ABCC11: variants seen among roughly 807,000 people sequenced by gnomAD.
ABCC11 encodes ATP binding cassette subfamily C member 11.
In ABCC11, 135 loss-of-function variants were observed where a neutral mutation model predicts 149.3. The observed-to-expected ratio is 0.90, with a 90% confidence interval of 0.79 to 1.04. ABCC11 has a LOEUF of 1.04. ABCC11 is among the 50% of genes least tolerant of loss of function. The probability of loss-of-function intolerance (pLI) is 0.00; values close to 1 mark genes in which losing one functional copy is unlikely to be tolerated. For missense variants in ABCC11, 1,680 were observed against 1,722.1 expected (o/e 0.98, Z 0.43); for synonymous variants, 665 against 671.4 (o/e 0.99, Z 0.15).
chr16:48,202,950 T>A lies in ABCC11; in HGVS notation c.1878+278A>T, dbSNP rs559802317. On this transcript the variant is annotated intron_variant, in intron 14 of 29. Coordinates refer to ENST00000356608, the MANE Select transcript of ABCC11 (RefSeq NM_001370497.1). ...CAAGGGCGATGCAGCGTTTCTCATCTTGACAGGGTCTCCGCTCTTGCTTCA... is the reference window on the plus strand; with the variant it reads ...CAAGGGCGATGCAGCGTTTCTCATCATGACAGGGTCTCCGCTCTTGCTTCA... 7.2e-5 allele frequency among the ~76,000 whole-genome samples: 11 copies of A among 152,340 alleles called. No individual in the cohort carries two copies. In the South Asian group the frequency reaches 2.3e-3, roughly 32 times the overall value.
At position 48,166,419 on chromosome 16, in the gene ABCC11, G is replaced by A. The variant is rs1052665681; in HGVS notation, c.*855C>T. The stretch of plus-strand genomic sequence containing the variant: ...ACAAAGGAAAGCAGAGCTAGGAGAA[G>A]AGAAACAGAGACCTCAAAACAGGCA... On this transcript the variant is annotated 3_prime_UTR_variant, in exon 30 of 30. Coordinates refer to ENST00000356608, the MANE Select transcript of ABCC11 (RefSeq NM_001370497.1). Among the ~76,000 whole-genome samples, 1 of 152,218 alleles carries A rather than the reference G, an allele frequency of 6.6e-6. No homozygotes were observed. The highest frequency in any genetic ancestry group is 1.5e-5 in the Non-Finnish European group (1 of 68,032).
intron 17 of ABCC11, 34 bp from the exon 18 acceptor site, chr16:48,196,355 G>A (rs1324712092): frequency 2.5e-6 from 4 of 1,592,726 alleles, no homozygotes; most frequent in South Asian, 1.1e-5. Context: ...AAAGTGGTAT[G>A]CCTGCCAATC....
chr16:48,232,165 A>T (rs1970459843), intron 1 of ABCC11: 1 of 1,126,450 alleles, frequency 8.9e-7, no homozygotes, highest in African/African-American at 1.6e-5. Context: ...ACCTTCTCTA[A>T]CCACCCTCCC....
At chr16:48,205,614 C>A in intron 12 of ABCC11, 77 bp from the exon 13 acceptor site, 1 of 1,557,856 alleles carries the variant, frequency 6.4e-7, no homozygotes, top group South Asian at 1.2e-5. Flanking sequence ...GGCACAGTGC[C>A]CAGGGCCCCA....
At position 48,216,979 on chromosome 16, in the gene ABCC11, C is replaced by T. The variant is rs556501973; in HGVS notation, c.778-692G>A. Among the ~76,000 whole-genome samples the T allele has an allele frequency of 3.9e-5, 6 of 152,304 alleles. No homozygotes were observed. In the East Asian group the frequency reaches 1.2e-3, roughly 29 times the overall value. ...AATCACCTACTAATCTCAGAATCCA[C>T]CCCTTAAATCTTTCCTAATAAAATC... is the stretch of plus-strand genomic sequence containing the variant. On this transcript the variant is annotated intron_variant, in intron 6 of 29. Transcript: ENST00000356608.
intron 22 of ABCC11, among the ~76,000 whole-genome samples, chr16:48,186,691 G>A (rs1966764494): frequency 1.3e-5 from 2 of 152,158 alleles, no homozygotes; most frequent in South Asian, 4.1e-4. Flanking sequence ...TTAAATGTAT[G>A]TATACATATG....
At chr16:48,196,894 C>T (rs1045085700) in intron 17 of ABCC11, among the ~76,000 whole-genome samples, 2 of 152,210 alleles carry the variant, frequency 1.3e-5, no homozygotes, top group Non-Finnish European at 2.9e-5. Flanking sequence ...TGACTGTCTG[C>T]TGCTGCTGCC....
At chr16:48,171,491 C>T (rs761389705) in intron 26 of ABCC11, among the ~76,000 whole-genome samples, 1 of 152,174 alleles carries the variant, frequency 6.6e-6, no homozygotes, top group Non-Finnish European at 1.5e-5. Context: ...CTTGGCCTCC[C>T]CATTATCATG....
chr16:48,226,072 C>CATTATTATTAATATTATTATTATT (rs1970049958), intron 4 of ABCC11, among the ~76,000 whole-genome samples: 1 of 150,130 alleles, frequency 6.7e-6, no homozygotes, highest in African/African-American at 2.5e-5. Context: ...TTTCCAGGTA[C>CATTATTATTAATATTATTATTATT]ATTATTATTA....
At chr16:48,178,089 C>T (rs1183552822) in intron 24 of ABCC11, among the ~76,000 whole-genome samples, 1 of 152,176 alleles carries the variant, frequency 6.6e-6, no homozygotes, top group Non-Finnish European at 1.5e-5. Flanking sequence ...ATGTGCTTTA[C>T]ATGTTATATC....
At chr16:48,182,150 A>G (rs113320844) in intron 23 of ABCC11, among the ~76,000 whole-genome samples, 1 of 152,240 alleles carries the variant, frequency 6.6e-6, no homozygotes, top group African/African-American at 2.4e-5. Context: ...GGACTGATAC[A>G]TGTGCTCATG....
intron 10 of ABCC11, among the ~76,000 whole-genome samples, chr16:48,211,529 T>C (rs974327631): frequency 2.6e-5 from 4 of 152,160 alleles, no homozygotes; most frequent in African/African-American, 9.7e-5. Context: ...ACTCATAGGA[T>C]TGATGTTTTT....
At chr16:48,246,671 C>A (rs981391981) in intron 1 of ABCC11, among the ~76,000 whole-genome samples, 2 of 152,144 alleles carry the variant, frequency 1.3e-5, no homozygotes, top group African/African-American at 4.8e-5. Flanking sequence ...AACTCCTGGG[C>A]TCAAGTGATC....
intron 15 of ABCC11, among the ~76,000 whole-genome samples, chr16:48,198,726 C>A (rs1014229870): frequency 6.6e-6 from 1 of 151,022 alleles, no homozygotes; most frequent in Non-Finnish European, 1.5e-5. Context: ...TATTGGAATG[C>A]TATACCAAGG....
downstream of ABCC11, chr16:48,165,660 G>C (rs553915899): frequency 6.6e-6 from 1 of 150,886 alleles, no homozygotes; most frequent in East Asian, 1.9e-4. Context: ...GGATCGGCCT[G>C]TTTACTTGTT....
intron 11 of ABCC11, chr16:48,209,627 T>C (rs1968745191): frequency 6.5e-6 from 1 of 153,236 alleles, no homozygotes; most frequent in Non-Finnish European, 1.5e-5. Flanking sequence ...TGTGGACCAG[T>C]GCAGGTCTAC....
intron 26 of ABCC11, among the ~76,000 whole-genome samples, chr16:48,171,532 G>A (rs1965721440): frequency 1.3e-5 from 2 of 152,266 alleles, no homozygotes; most frequent in South Asian, 4.1e-4. Flanking sequence ...TTTTCCTTAA[G>A]CCATTTGGGT....
chr16:48,231,690 A>G (rs1970430789), intron 2 of ABCC11, 133 bp downstream of exon 2: 1 of 1,214,554 alleles, frequency 8.2e-7, no homozygotes, highest in African/African-American at 1.6e-5. Flanking sequence ...AGAGAGAGAG[A>G]GCAAAAAGAG....
intron 20 of ABCC11, among the ~76,000 whole-genome samples, chr16:48,191,076 C>T (rs775814296): frequency 1.3e-5 from 2 of 152,134 alleles, no homozygotes; most frequent in Non-Finnish European, 2.9e-5. Context: ...TATTCTGTAC[C>T]ATGGATACAT....
Sources: allele counts gnomAD v4.1 joint callset (sites outside exome capture counted in the v4.1 genomes callset), GRCh38; gene constraint gnomAD v4.1.1; transcripts MANE v1.5; gene names NCBI Gene and HGNC (gene_info 2026-07-23, HGNC 2026-07-21).